ST3GAL1: variants seen among roughly 807,000 people sequenced by gnomAD.
ST3GAL1 encodes CMP-N-acetylneuraminate-beta-galactosamide-alpha-2,3-sialyltransferase 1.
A neutral mutation model predicts 34.1 loss-of-function variants in ST3GAL1; 16 were observed. That is an observed-to-expected ratio of 0.47 (90% CI 0.32 to 0.71). ST3GAL1 has a LOEUF of 0.71. ST3GAL1 is among the 30% of genes least tolerant of loss of function. The pLI, the probability that ST3GAL1 is intolerant of heterozygous loss-of-function variation, is 0.04. For missense variants in ST3GAL1, 353 were observed against 447.4 expected (o/e 0.79, Z 1.90); for synonymous variants, 191 against 184.7 (o/e 1.03, Z -0.28).
chr8:133,478,722 C>T (rs1184627923), intron 3 of ST3GAL1, among the ~76,000 whole-genome samples: 1 of 152,158 alleles, frequency 6.6e-6, no homozygotes, highest in Non-Finnish European at 1.5e-5. Flanking sequence ...GAAGCCCTGC[C>T]CTCTCCTGGG....
chr8:133,551,999 C>A (rs758851152), intron 1 of ST3GAL1, among the ~76,000 whole-genome samples: 77 of 152,320 alleles, frequency 5.1e-4, no homozygotes, highest in Non-Finnish European at 8.7e-4. Flanking sequence ...TAATTCCTAA[C>A]TCTACTCTAT....
intron 2 of ST3GAL1, among the ~76,000 whole-genome samples, chr8:133,540,681 C>A (rs1005091352): frequency 6.8e-6 from 1 of 148,110 alleles, no homozygotes; most frequent in Non-Finnish European, 1.5e-5. Context: ...GGACCCCCTG[C>A]CCCTGCCCAC....
Position 133,508,386 on chromosome 8 carries a change from C to T in ST3GAL1, c.-428-9197G>A, listed in dbSNP as rs952956020. 2.6e-5 allele frequency among the ~76,000 whole-genome samples: 4 copies of T among 152,110 alleles called. No individual in the cohort carries two copies. The highest frequency in any genetic ancestry group is 2.1e-4 in the South Asian group (1 of 4,824). On this transcript the variant is annotated intron_variant, in intron 2 of 9. Transcript: ENST00000522652. The surrounding 1 kb of genome is among the most constrained non-coding windows in gnomAD (Gnocchi z 4.1). ...GTACAGTTTGTGCTCTGGGGTTGGC[C>T]GTGGGATCAGGCTGAAGGTTGACTC...
intron 1 of ST3GAL1, among the ~76,000 whole-genome samples, chr8:133,561,643 T>C (rs1430128188): frequency 6.6e-6 from 1 of 152,164 alleles, no homozygotes; most frequent in Non-Finnish European, 1.5e-5. Flanking sequence ...CTTAGATTTA[T>C]GTTGTTTTTT....
intron 1 of ST3GAL1, among the ~76,000 whole-genome samples, chr8:133,547,146 G>A (rs371580800): frequency 6.6e-6 from 1 of 152,146 alleles, no homozygotes; most frequent in East Asian, 1.9e-4. Flanking sequence ...TCCCCTCCCA[G>A]CATGAGGGAG....
intron 1 of ST3GAL1, among the ~76,000 whole-genome samples, chr8:133,562,881 T>C (rs903301219): frequency 6.6e-6 from 1 of 150,392 alleles, no homozygotes; most frequent in African/African-American, 2.5e-5. Context: ...ACTGGGCCTT[T>C]TATTTCCAAA....
In ST3GAL1 at chr8:133,571,288, A is replaced by C. The variant is rs865799971; in HGVS notation, c.-582+405T>G. Among the ~76,000 whole-genome samples the C allele has an allele frequency of 7.2e-5, 11 of 152,112 alleles. No homozygotes were observed. Among genetic ancestry groups the C allele is most frequent in the Middle Eastern group, 6.8e-3 (2 of 294 alleles). On this transcript the variant is annotated intron_variant, in intron 1 of 9. Coordinates refer to ENST00000522652, the MANE Select transcript of ST3GAL1 (RefSeq NM_173344.3). The surrounding 1 kb of genome is among the most constrained non-coding windows in gnomAD (Gnocchi z 6.7). ...CCCACGGGCGGCCCCAGCGGAGGAGATCCCAGCCCGGCGCCGGGTGCAATG... is the reference window on the plus strand; with the variant it reads ...CCCACGGGCGGCCCCAGCGGAGGAGCTCCCAGCCCGGCGCCGGGTGCAATG...
chr8:133,468,621 A>G (rs1175608348), intron 5 of ST3GAL1, among the ~76,000 whole-genome samples: 1 of 152,238 alleles, frequency 6.6e-6, no homozygotes, highest in East Asian at 1.9e-4. Flanking sequence ...AGTGGTGAAA[A>G]TGATAAATAT....
chr8:133,531,884 A>G (rs1418322266), intron 2 of ST3GAL1, among the ~76,000 whole-genome samples: 2 of 151,004 alleles, frequency 1.3e-5, no homozygotes, highest in Non-Finnish European at 2.9e-5. Context: ...ACTACGTTTC[A>G]GGGATCTCTG....
At position 133,571,131 on chromosome 8, in the gene ST3GAL1, G is replaced by A. The variant is rs980257458; in HGVS notation, c.-582+562C>T. ...CCCGGATCTGCGCCTGCTTGCAGCG[G>A]ATTGGGGGACTCGATCCGGATACTG... On this transcript the variant is annotated intron_variant, in intron 1 of 9. Coordinates refer to ENST00000522652, the MANE Select transcript of ST3GAL1 (RefSeq NM_173344.3). This position sits in a 1 kb window ranked among gnomAD's most constrained non-coding sequence, Gnocchi z 6.7. Among the ~76,000 whole-genome samples the A allele has an allele frequency of 6.6e-6, 1 of 152,208 alleles. No homozygotes were observed. The highest frequency in any genetic ancestry group is 2.4e-5 in the African/African-American group (1 of 41,464).
Position 133,466,881 on chromosome 8 carries a change from G to A in ST3GAL1, c.307-791C>T, listed in dbSNP as rs1388153643. On this transcript the variant is annotated intron_variant, in intron 5 of 9. Transcript: ENST00000522652. This position sits in a 1 kb window ranked among gnomAD's most constrained non-coding sequence, Gnocchi z 4.4. ...TGGGAGACCGAGGCAGGTGGATCAC[G>A]AAGTCAGGAGTTTGAGACCAGCCTG... Among the ~76,000 whole-genome samples the A allele has an allele frequency of 6.6e-6, 1 of 152,146 alleles. No homozygotes were observed. The highest frequency in any genetic ancestry group is 1.5e-5 in the Non-Finnish European group (1 of 68,030).
rs1179443390 is a variant in ST3GAL1, at chr8:133,464,769, G to A, written c.683+9C>T. 1 of 1,609,616 alleles carries A rather than the reference G, an allele frequency of 6.2e-7. No individual in the cohort carries two copies. The highest frequency in any genetic ancestry group is 8.5e-7 in the Non-Finnish European group (1 of 1,177,026). Reference sequence around the variant, plus strand: ...AGAGCAGCGAGGCGGGGCCACAGGAGGGACTCACTGGGAAATGGTGCCCGT... The same window carrying A: ...AGAGCAGCGAGGCGGGGCCACAGGAAGGACTCACTGGGAAATGGTGCCCGT... On this transcript the variant is annotated intron_variant, in intron 7 of 9. Coordinates refer to ENST00000522652, the MANE Select transcript of ST3GAL1 (RefSeq NM_173344.3).
At chr8:133,538,244 G>A (rs1818363746) in intron 2 of ST3GAL1, among the ~76,000 whole-genome samples, 1 of 152,248 alleles carries the variant, frequency 6.6e-6, no homozygotes, top group Non-Finnish European at 1.5e-5. Context: ...GCCGGGCATG[G>A]TGGCTCATGT....
intron 2 of ST3GAL1, among the ~76,000 whole-genome samples, chr8:133,506,237 GT>G (rs1372223976): frequency 6.6e-6 from 1 of 152,096 alleles, no homozygotes; most frequent in African/African-American, 2.4e-5. Flanking sequence ...CTTTGAATAG[GT>G]TATTATACCT....
intron 3 of ST3GAL1, among the ~76,000 whole-genome samples, chr8:133,479,489 T>A (rs1816304371): frequency 6.6e-6 from 1 of 152,168 alleles, no homozygotes. Flanking sequence ...TTTGCCTTTA[T>A]AATGAGCAGG....
chr8:133,481,471 GT>G (rs968486510), intron 3 of ST3GAL1, among the ~76,000 whole-genome samples: 8 of 151,854 alleles, frequency 5.3e-5, no homozygotes, highest in African/African-American at 1.5e-4. Context: ...GTTTGTTTGG[GT>G]TTTTTTGTTG....
In ST3GAL1 at chr8:133,463,402, G is replaced by A; in HGVS notation, c.729+12C>T. On this transcript the variant is annotated intron_variant, in intron 8 of 9. Coordinates refer to ENST00000522652, the MANE Select transcript of ST3GAL1 (RefSeq NM_173344.3). Reference sequence around the variant, plus strand: ...CTGAACTTAGAACAGAGGGGCCGGGGCCTCCACTCACCTTATCCTGTTTCA... The same window carrying A: ...CTGAACTTAGAACAGAGGGGCCGGGACCTCCACTCACCTTATCCTGTTTCA... 1 of 1,613,872 alleles carries A rather than the reference G, an allele frequency of 6.2e-7. No homozygotes were observed. Among genetic ancestry groups the A allele is most frequent in the Non-Finnish European group, 8.5e-7 (1 of 1,179,934 alleles).
At chr8:133,463,593 G>T (rs1815601334) in intron 7 of ST3GAL1, 134 bp from the exon 8 acceptor site, 2 of 915,424 alleles carry the variant, frequency 2.2e-6, no homozygotes, top group South Asian at 3.0e-5. Context: ...TTCCCTCAGG[G>T]ACCCCCACCT....
chr8:133,523,209 T>TG (rs140363640), intron 2 of ST3GAL1, among the ~76,000 whole-genome samples: 6,069 of 152,022 alleles, frequency 0.04, 224 homozygotes, highest in East Asian at 0.14. Flanking sequence ...AACTCTTCTG[T>TG]GGGGGGTTGC....
Sources: allele counts gnomAD v4.1 joint callset (sites outside exome capture counted in the v4.1 genomes callset), GRCh38; gene constraint gnomAD v4.1.1; non-coding constraint Gnocchi (gnomAD v3.1); transcripts MANE v1.5; gene names NCBI Gene and HGNC (gene_info 2026-07-23, HGNC 2026-07-21).